Variants in TRIM37 observed in about 807,000 individuals in gnomAD.
TRIM37 encodes the protein tripartite motif containing 37.
A neutral mutation model predicts 129.8 loss-of-function variants in TRIM37; 80 were observed. That is an observed-to-expected ratio of 0.62 (90% confidence interval 0.51 to 0.74). The LOEUF is 0.74. TRIM37 is among the 30% of genes least tolerant of loss of function. The pLI is 0.00. For missense variants in TRIM37, 1,054 were observed against 1,176.5 expected (o/e 0.90, Z 1.52); for synonymous variants, 389 against 387.1 (o/e 1.00, Z -0.06).
At chr17:59,067,524 A>G (rs1434020433) in intron 9 of TRIM37, among the ~76,000 whole-genome samples, 1 of 152,254 alleles carries the variant, frequency 6.6e-6, no homozygotes, top group Non-Finnish European at 1.5e-5. Flanking sequence ...TTGTTTCTTA[A>G]GGAAATAAAC....
At chr17:58,996,520 T>C (rs1452335259), downstream of TRIM37, among the ~76,000 whole-genome samples, 1 of 148,242 alleles carries the variant, frequency 6.7e-6, no homozygotes, top group African/African-American at 2.5e-5. Flanking sequence ...ACCTGCAATC[T>C]AGCCTGCAAT....
At chr17:59,079,996 G>T (rs928295616) in intron 6 of TRIM37, 119 bp from the exon 7 acceptor site, 3 of 1,129,334 alleles carry the variant, frequency 2.7e-6, no homozygotes, top group Admixed American at 2.2e-5. Flanking sequence ...AAGGTCAAAT[G>T]GAAATGACCC....
chr17:58,975,047 T>A, the TRIM37 span, among the ~76,000 whole-genome samples: 2 of 152,212 alleles, frequency 1.3e-5, no homozygotes, highest in African/African-American at 4.8e-5. Flanking sequence ...AAAGTCTTTA[T>A]CATGCACATT....
At chr17:59,040,210 A>C (rs1183652731) in intron 17 of TRIM37, among the ~76,000 whole-genome samples, 1 of 152,178 alleles carries the variant, frequency 6.6e-6, no homozygotes, top group African/African-American at 2.4e-5. Context: ...CTGGTAGAGA[A>C]GTAACATGAT....
chr17:59,032,554 G>C (rs190990958), intron 17 of TRIM37, among the ~76,000 whole-genome samples: 1,231 of 116,206 alleles, frequency 0.011, 18 homozygotes, highest in African/African-American at 0.035. Flanking sequence ...AAAAAAAAAA[G>C]AAAGAAGGAA....
chr17:59,054,172 T>A (rs2040611007), intron 13 of TRIM37, among the ~76,000 whole-genome samples: 1 of 152,250 alleles, frequency 6.6e-6, no homozygotes, highest in Non-Finnish European at 1.5e-5. Context: ...TGATGAGAAC[T>A]TTTTAAACTG....
At chr17:59,087,582 A>G (rs2043882953) in intron 4 of TRIM37, among the ~76,000 whole-genome samples, 2 of 150,084 alleles carry the variant, frequency 1.3e-5, no homozygotes, top group African/African-American at 4.9e-5. Flanking sequence ...GATGCACACC[A>G]CCACACCCTG....
At chr17:59,006,009 T>A (rs1026320436) in intron 22 of TRIM37, among the ~76,000 whole-genome samples, 10 of 152,202 alleles carry the variant, frequency 6.6e-5, no homozygotes, top group African/African-American at 2.4e-4. Context: ...GTAGATTCCT[T>A]CAAATCAGTA....
intron 4 of TRIM37, among the ~76,000 whole-genome samples, chr17:59,084,666 C>A (rs1366963555): frequency 2.6e-5 from 4 of 152,120 alleles, no homozygotes; most frequent in Non-Finnish European, 5.9e-5. Flanking sequence ...AAAGCCTTAA[C>A]CCCCAGTGTG....
At chr17:59,074,708 T>G (rs2042660774) in intron 8 of TRIM37, among the ~76,000 whole-genome samples, 1 of 152,064 alleles carries the variant, frequency 6.6e-6, no homozygotes, top group African/African-American at 2.4e-5. Flanking sequence ...ATGATTAAGA[T>G]AAAAATCTCA....
chr17:59,046,792 A>G (rs1356120758), intron 16 of TRIM37, among the ~76,000 whole-genome samples: 3 of 149,466 alleles, frequency 2.0e-5, no homozygotes, highest in Admixed American at 6.7e-5. Context: ...CACCCGCCTC[A>G]GCCTCCCAGA....
At chr17:58,998,104 A>G (rs2033184502), downstream of TRIM37, 1 of 614,732 alleles carries the variant, frequency 1.6e-6, no homozygotes, top group Non-Finnish European at 2.0e-6. Context: ...ACTAAACACA[A>G]ACTAATCAAA....
chr17:58,992,045 C>T (rs570082211), intron 24 of TRIM37, among the ~76,000 whole-genome samples: 3 of 151,852 alleles, frequency 2.0e-5, no homozygotes, highest in African/African-American at 7.3e-5. Context: ...CAAATTTGGG[C>T]GTATTTGCTA....
chr17:59,086,878 T>C (rs1478940148), intron 4 of TRIM37, among the ~76,000 whole-genome samples: 2 of 152,212 alleles, frequency 1.3e-5, no homozygotes, highest in Admixed American at 6.5e-5. Flanking sequence ...TCTATTCCTT[T>C]TGAGAGGCTC....
intron 19 of TRIM37, among the ~76,000 whole-genome samples, chr17:59,028,096 C>T (rs184033957): frequency 6.6e-6 from 1 of 152,296 alleles, no homozygotes; most frequent in East Asian, 1.9e-4. Context: ...TTCACAGCAC[C>T]TTTTACCCAC....
chr17:59,046,536 AAC>A lies in TRIM37; in HGVS notation c.1667+1145_1667+1146del, dbSNP rs892838593. Among the ~76,000 whole-genome samples the A allele has an allele frequency of 6.6e-4, 97 of 146,606 alleles. 1 individual carries two copies. Among genetic ancestry groups the A allele is most frequent in the African/African-American group, 2.4e-3 (95 of 39,284 alleles). ...TTCTCAGAAAGTATTAGTCATGAAAAACAGTTTTTTTTTTTTTTTGAGACAGA... is the reference window on the plus strand; with the variant it reads ...TTCTCAGAAAGTATTAGTCATGAAAAAGTTTTTTTTTTTTTTTGAGACAGA... On this transcript the variant is annotated intron_variant, in intron 16 of 23. Transcript: ENST00000262294.
At chr17:59,030,654 T>C (rs1291229775) in intron 18 of TRIM37, among the ~76,000 whole-genome samples, 1 of 152,224 alleles carries the variant, frequency 6.6e-6, no homozygotes, top group African/African-American at 2.4e-5. Context: ...ATGATACTGA[T>C]TATTTTCAAA....
intron 22 of TRIM37, among the ~76,000 whole-genome samples, chr17:59,007,125 G>A (rs1164212225): frequency 6.9e-6 from 1 of 145,368 alleles, no homozygotes; most frequent in Non-Finnish European, 1.5e-5. Context: ...GAATAGCAGG[G>A]CAAAAGATAA....
intron 22 of TRIM37, among the ~76,000 whole-genome samples, chr17:59,007,157 CAACACA>C (rs1468432079): frequency 1.6e-4 from 3 of 18,552 alleles, no homozygotes; most frequent in Admixed American, 8.5e-4. Flanking sequence ...CCCCACCCTC[CAACACA>C]CACACACACA....
Sources: gnomAD v4.1 joint callset for allele counts (sites outside exome capture counted in the v4.1 genomes callset) on GRCh38, gnomAD v4.1.1 for gene constraint, MANE v1.5 for transcripts, NCBI Gene and HGNC (gene_info 2026-07-23, HGNC 2026-07-21) for gene names.